The following SCHIP1 variants were observed in gnomAD, a reference collection of about 807,000 sequenced individuals.
The protein encoded by SCHIP1 is schwannomin interacting protein 1.
Under a neutral mutation model 29.7 loss-of-function variants are expected in SCHIP1, and 8 were observed. The ratio of observed to expected loss-of-function variants is 0.27; its 90% CI spans 0.16 to 0.49. The LOEUF is 0.49. Among genes scored for constraint, SCHIP1 ranks in the 20% least tolerant of loss-of-function variants. SCHIP1 has a pLI of 0.99. For missense variants in SCHIP1, 193 were observed against 294.6 expected (o/e 0.66, Z 2.52); for synonymous variants, 76 against 94.9 (o/e 0.80, Z 1.16).
At chr3:159,834,463 GA>G in the SCHIP1 span, among the ~76,000 whole-genome samples, 465 of 152,288 alleles carry the variant, frequency 3.1e-3, no homozygotes, top group African/African-American at 0.01. Context: ...CTCGAGGGCA[GA>G]AACACTACTT....
chr3:159,815,490 T>C, the SCHIP1 span, among the ~76,000 whole-genome samples: 1 of 152,158 alleles, frequency 6.6e-6, no homozygotes, highest in Non-Finnish European at 1.5e-5. Flanking sequence ...AATGATATGT[T>C]GAAAAGGACG....
chr3:159,737,176 C>T, the SCHIP1 span, among the ~76,000 whole-genome samples: 12 of 152,090 alleles, frequency 7.9e-5, no homozygotes, highest in African/African-American at 1.9e-4. Context: ...TCCTTGTTTT[C>T]GGCCTGATTA....
chr3:159,750,812 TC>T, the SCHIP1 span, among the ~76,000 whole-genome samples: 2 of 152,066 alleles, frequency 1.3e-5, no homozygotes, highest in Non-Finnish European at 2.9e-5. Flanking sequence ...CTGAATAGCT[TC>T]TTGTATATAA....
chr3:159,591,193 T>TA, the SCHIP1 span, among the ~76,000 whole-genome samples: 1 of 152,208 alleles, frequency 6.6e-6, no homozygotes, highest in Non-Finnish European at 1.5e-5. Flanking sequence ...TTTCTAAATA[T>TA]ATAGTCATGT....
the SCHIP1 span, among the ~76,000 whole-genome samples, chr3:159,680,782 T>C: frequency 3.1e-5 from 4 of 129,140 alleles, no homozygotes; most frequent in African/African-American, 1.2e-4. Flanking sequence ...CAAAGTTATT[T>C]ATTACAATAG....
At chr3:159,480,043 T>A in the SCHIP1 span, among the ~76,000 whole-genome samples, 2 of 152,164 alleles carry the variant, frequency 1.3e-5, no homozygotes, top group Non-Finnish European at 2.9e-5. Context: ...CATTTGACTC[T>A]GAAGCCCACC....
the SCHIP1 span, among the ~76,000 whole-genome samples, chr3:159,393,653 G>A: frequency 4.0e-5 from 6 of 149,688 alleles, no homozygotes; most frequent in East Asian, 4.0e-4. Context: ...TGAGGGCTCT[G>A]TTCTGTTCCA....
chr3:159,878,851 G>A (rs1716152599), intron 2 of SCHIP1, among the ~76,000 whole-genome samples: 1 of 149,878 alleles, frequency 6.7e-6, no homozygotes, highest in African/African-American at 2.4e-5. Context: ...ATAAATTCCT[G>A]CCAAATGCCC....
At chr3:159,470,889 A>C in the SCHIP1 span, among the ~76,000 whole-genome samples, 1 of 152,160 alleles carries the variant, frequency 6.6e-6, no homozygotes. Flanking sequence ...AACCAGACTC[A>C]AAAGACTATC....
the SCHIP1 span, among the ~76,000 whole-genome samples, chr3:159,671,901 T>C: frequency 6.6e-6 from 1 of 152,178 alleles, no homozygotes; most frequent in Non-Finnish European, 1.5e-5. Flanking sequence ...GAAGCCTCCA[T>C]GTATTTCCCC....
chr3:159,874,208 A>C (rs1006368919), intron 2 of SCHIP1, among the ~76,000 whole-genome samples: 1 of 152,194 alleles, frequency 6.6e-6, no homozygotes, highest in African/African-American at 2.4e-5. Context: ...ATTTACATAC[A>C]TATACATATA....
At chr3:159,279,814 G>A in the SCHIP1 span, among the ~76,000 whole-genome samples, 562 of 152,244 alleles carry the variant, frequency 3.7e-3, 2 homozygotes, top group Middle Eastern at 0.017. Context: ...GGGAACTAAA[G>A]GAAGTTGGTT....
chr3:159,550,060 T>TA, the SCHIP1 span, among the ~76,000 whole-genome samples: 1 of 151,638 alleles, frequency 6.6e-6, no homozygotes, highest in African/African-American at 2.4e-5. Context: ...GTTTTTCTCT[T>TA]ATCTTAAGAT....
the SCHIP1 span, chr3:159,764,696 A>T: frequency 6.3e-7 from 1 of 1,576,706 alleles, no homozygotes; most frequent in Non-Finnish European, 8.6e-7. The surrounding 1 kb of genome is among the most constrained non-coding windows in gnomAD (Gnocchi z 6.1). Context: ...GAGGAGGACG[A>T]GCGCGACCAG....
At chr3:159,783,937 T>C in the SCHIP1 span, among the ~76,000 whole-genome samples, 1 of 152,246 alleles carries the variant, frequency 6.6e-6, no homozygotes, top group African/African-American at 2.4e-5. Context: ...CAACAGAAAG[T>C]CAGGTATTCT....
chr3:159,590,809 T>G, the SCHIP1 span, among the ~76,000 whole-genome samples: 1 of 152,156 alleles, frequency 6.6e-6, no homozygotes, highest in Non-Finnish European at 1.5e-5. Flanking sequence ...GGAGTTCCAT[T>G]TATTGTCCTC....
chr3:159,382,857 G>A, the SCHIP1 span, among the ~76,000 whole-genome samples: 1 of 152,174 alleles, frequency 6.6e-6, no homozygotes, highest in African/African-American at 2.4e-5. Flanking sequence ...ATGATGGCCA[G>A]TGATGGTGAG....
At chr3:159,542,851 A>G in the SCHIP1 span, among the ~76,000 whole-genome samples, 1 of 152,106 alleles carries the variant, frequency 6.6e-6, no homozygotes, top group Non-Finnish European at 1.5e-5. Flanking sequence ...ACCAAAATAA[A>G]GAAATTAACA....
chr3:159,273,934 A>G, the SCHIP1 span: 1 of 1,601,384 alleles, frequency 6.2e-7, no homozygotes, highest in Non-Finnish European at 8.5e-7. Flanking sequence ...ATATTTTTAC[A>G]AATGAAGAGA....
Sources: gnomAD v4.1 joint callset for allele counts (sites outside exome capture counted in the v4.1 genomes callset) on GRCh38, gnomAD v4.1.1 for gene constraint, Gnocchi (gnomAD v3.1) non-coding constraint, MANE v1.5 for transcripts, NCBI Gene and HGNC (gene_info 2026-07-23, HGNC 2026-07-21) for gene names.